AIFM2: variants seen among roughly 807,000 people sequenced by gnomAD.
The protein encoded by AIFM2 is ferroptosis suppressor protein 1.
AIFM2 carries 38 observed loss-of-function variants against 35.7 expected under a neutral mutation model. The observed-to-expected ratio is 1.06, with a 90% CI of 0.82 to 1.39. The LOEUF (loss-of-function observed/expected upper bound fraction) is 1.39, where lower values mean the gene tolerates loss of function less well. AIFM2 is among the 40% of genes most tolerant of loss of function. AIFM2 has a pLI of 0.00. For synonymous variants in AIFM2, 185 were observed against 203.5 expected, an observed-to-expected ratio of 0.91 and a Z score of 0.77; for missense variants, 476 against 491.2, an observed-to-expected ratio of 0.97 and a Z score of 0.29.
chr10:70,117,850 T>C lies in AIFM2; in HGVS notation c.578A>G (p.Lys193Arg), dbSNP rs760785270. Residue 193 changes from lysine to arginine, a missense_variant, in exon 6 of 9, where the codon AAG becomes AGG. By Grantham distance (26) the Lys-to-Arg change is conservative. Coordinates refer to ENST00000307864, the MANE Select transcript of AIFM2 (RefSeq NM_032797.6). The surrounding 1 kb of genome is among the most constrained non-coding windows in gnomAD (Gnocchi z 4.7). Reference sequence around the variant, plus strand: ...CACGCCCTTCCGGAGGAGGATCTCCTTCACTTCCTGCCGGACGGAGGGCAG... The same window carrying C: ...CACGCCCTTCCGGAGGAGGATCTCCCTCACTTCCTGCCGGACGGAGGGCAG... ...ELLPSVRQEV[K>R]EILLRKGVQL... 2 of 1,604,346 alleles carry C rather than the reference T, an allele frequency of 1.2e-6. No individual in the cohort carries two copies. Among genetic ancestry groups the C allele is most frequent in the Non-Finnish European group, 1.7e-6 (2 of 1,176,468 alleles).
intron 3 of AIFM2, 47 bp downstream of exon 3, chr10:70,123,358 G>A: frequency 1.3e-6 from 2 of 1,533,238 alleles, no homozygotes; most frequent in Non-Finnish European, 9.0e-7. Flanking sequence ...CCCAGGCCCT[G>A]CAGAGGGCCC....
intron 7 of AIFM2, among the ~76,000 whole-genome samples, chr10:70,116,379 C>T (rs1589845972): frequency 6.6e-6 from 1 of 152,232 alleles, no homozygotes; most frequent in African/African-American, 2.4e-5. Flanking sequence ...CCATCTCTTA[C>T]CACTAGGGGG....
intron 1 of AIFM2, among the ~76,000 whole-genome samples, chr10:70,127,304 G>A (rs2072579119): frequency 6.6e-6 from 1 of 152,236 alleles, no homozygotes; most frequent in African/African-American, 2.4e-5. Flanking sequence ...AGCTGGCCGG[G>A]GATAGGGACA....
rs1225503388 is a variant in AIFM2, at chr10:70,131,181, C to T, written c.-14+1553G>A. 6.6e-6 allele frequency among the ~76,000 whole-genome samples: 1 copy of T among 152,182 alleles called. No individual in the cohort carries two copies. The highest frequency in any genetic ancestry group is 1.5e-5 in the Non-Finnish European group (1 of 68,038). ...TCCCAGAGTTGCTCCAGTATTGCTTCACAAATATTACAAATAAAACACGAT... is the reference window on the plus strand; with the variant it reads ...TCCCAGAGTTGCTCCAGTATTGCTTTACAAATATTACAAATAAAACACGAT... On this transcript the variant is annotated intron_variant, in intron 1 of 8. Transcript: ENST00000307864. The surrounding 1 kb of genome is among the most constrained non-coding windows in gnomAD (Gnocchi z 4.1).
At chr10:70,118,198 C>T (rs1481845207) in intron 5 of AIFM2, 5 of 349,222 alleles carry the variant, frequency 1.4e-5, no homozygotes, top group East Asian at 1.3e-4. Context: ...CCTAGGGCCA[C>T]CTGGAAAATT....
chr10:70,130,166 G>C (rs908077867), intron 1 of AIFM2, among the ~76,000 whole-genome samples: 1 of 152,190 alleles, frequency 6.6e-6, no homozygotes, highest in African/African-American at 2.4e-5. Context: ...CTGGGCGCCA[G>C]AGCAAGACTC....
rs763554677 is a variant in AIFM2, at chr10:70,116,612, A to T, written c.769+10T>A. ...AGGCACAGGGGAAGCCCGGCTGGGC[A>T]CCTGCTCACCAAACGCTTTGCGGTA... On this transcript the variant is annotated intron_variant, in intron 7 of 8. Transcript: ENST00000307864. 4 of 1,613,024 alleles carry T rather than the reference A, an allele frequency of 2.5e-6. No homozygotes were observed. Among genetic ancestry groups the T allele is most frequent in the Non-Finnish European group, 2.5e-6 (3 of 1,179,816 alleles).
At chr10:70,122,533 G>A (rs892800007) in intron 3 of AIFM2, among the ~76,000 whole-genome samples, 15 of 152,244 alleles carry the variant, frequency 9.9e-5, no homozygotes, top group Non-Finnish European at 2.1e-4. Flanking sequence ...CATGGCAGGT[G>A]TGTTCCAGGC....
At chr10:70,130,010 C>T (rs1348885439) in intron 1 of AIFM2, among the ~76,000 whole-genome samples, 1 of 152,024 alleles carries the variant, frequency 6.6e-6, no homozygotes, top group Non-Finnish European at 1.5e-5. Context: ...ATGGTGAAAC[C>T]CCATCTCTAC....
intron 6 of AIFM2, 109 bp from the exon 7 acceptor site, chr10:70,116,883 T>C: frequency 7.3e-7 from 1 of 1,370,352 alleles, no homozygotes; most frequent in South Asian, 1.3e-5. Context: ...GGGGCCCAAC[T>C]GGGCAATGGC....
chr10:70,127,239 C>T (rs562070713), intron 1 of AIFM2, among the ~76,000 whole-genome samples: 2 of 152,358 alleles, frequency 1.3e-5, no homozygotes, highest in African/African-American at 4.8e-5. Context: ...CAAGAAAACA[C>T]CCAGAAAGCC....
At chr10:70,128,715 G>A (rs553360853) in intron 1 of AIFM2, among the ~76,000 whole-genome samples, 2 of 152,274 alleles carry the variant, frequency 1.3e-5, no homozygotes, top group African/African-American at 4.8e-5. Context: ...TCAGGCAAGG[G>A]CTGGGTGTGG....
intron 1 of AIFM2, among the ~76,000 whole-genome samples, chr10:70,127,158 C>T (rs2072576486): frequency 6.6e-6 from 1 of 152,218 alleles, no homozygotes; most frequent in South Asian, 2.1e-4. Context: ...GCGTGTGTTT[C>T]ACCAGCCCCT....
At chr10:70,123,262 G>T (rs897111525) in intron 3 of AIFM2, 143 bp downstream of exon 3, 4 of 618,316 alleles carry the variant, frequency 6.5e-6, no homozygotes, top group Non-Finnish European at 1.1e-5. Flanking sequence ...CAGGTGATCC[G>T]CCCGCCTTGG....
rs142730147 is a variant in AIFM2 at position 70,131,327 on chromosome 10, T to C, written c.-14+1407A>G. Among the ~76,000 whole-genome samples, 255 of 152,268 alleles carry C rather than the reference T, an allele frequency of 1.7e-3. 1 individual carries two copies. The highest frequency in any genetic ancestry group is 2.6e-3 in the Non-Finnish European group (178 of 68,010). On this transcript the variant is annotated intron_variant, in intron 1 of 8. Coordinates refer to ENST00000307864, the MANE Select transcript of AIFM2 (RefSeq NM_032797.6). This position sits in a 1 kb window ranked among gnomAD's most constrained non-coding sequence, Gnocchi z 4.1. ...CACTACAGCACGACTCACAGCACCA[T>C]GGAGGTTTCCTCCACCTGCGGGACA...
intron 1 of AIFM2, among the ~76,000 whole-genome samples, chr10:70,130,110 G>A (rs2072612477): frequency 6.6e-6 from 1 of 152,160 alleles, no homozygotes; most frequent in African/African-American, 2.4e-5. Flanking sequence ...TTGAGCCTAG[G>A]AGGTCGAGGT....
At chr10:70,122,879 AC>A (rs2072524307) in intron 3 of AIFM2, among the ~76,000 whole-genome samples, 1 of 152,348 alleles carries the variant, frequency 6.6e-6, no homozygotes, top group East Asian at 1.9e-4. Context: ...CGTAAAGGCT[AC>A]AAACAGGGCC....
chr10:70,127,223 T>C lies in AIFM2; in HGVS notation c.-13-3126A>G, dbSNP rs149945370. Among the ~76,000 whole-genome samples, 516 of 152,328 alleles carry C rather than the reference T, an allele frequency of 3.4e-3. 2 individuals carry two copies. The highest frequency in any genetic ancestry group is 0.012 in the African/African-American group (487 of 41,576). The stretch of plus-strand genomic sequence containing the variant: ...TACCCTTGGGGCTGTCAGCCAGGGA[T>C]GAGGTCAAGAAAACACCCAGAAAGC... On this transcript the variant is annotated intron_variant, in intron 1 of 8. Coordinates refer to ENST00000307864, the MANE Select transcript of AIFM2 (RefSeq NM_032797.6).
Position 70,112,753 on chromosome 10 carries a change from A to C in AIFM2, c.*1425T>G, listed in dbSNP as rs2072390159. 6.6e-6 allele frequency: 1 copy of C among 152,310 alleles called. No individual in the cohort carries two copies. The highest frequency in any genetic ancestry group is 2.1e-4 in the South Asian group (1 of 4,838). The allele number at this position is 152,310 out of a possible 1,614,324, so 9.4% of individuals were successfully genotyped here. A position where few individuals can be genotyped will look rare whatever the true frequency, so the allele number is the denominator to read the frequency against. ...TCTGCTATGCAGATTTAACCCAGGC[A>C]GTCCAAGAGGGGCTCCTCTGGATTG... On this transcript the variant is annotated 3_prime_UTR_variant, in exon 9 of 9. Coordinates refer to ENST00000307864, the MANE Select transcript of AIFM2 (RefSeq NM_032797.6).
Sources: allele counts gnomAD v4.1 joint callset (sites outside exome capture counted in the v4.1 genomes callset), GRCh38; gene constraint gnomAD v4.1.1; non-coding constraint Gnocchi (gnomAD v3.1); transcripts MANE v1.5; gene names NCBI Gene and HGNC (gene_info 2026-07-23, HGNC 2026-07-21).